Variants in LYRM1 observed in about 807,000 individuals in gnomAD.
LYRM1 encodes LYR motif containing 1, also known as LYR motif-containing protein 1.
In LYRM1, 14 loss-of-function variants were observed where a neutral mutation model predicts 14.9. That is an observed-to-expected ratio of 0.94 (90% CI 0.62 to 1.47). LYRM1 has a LOEUF of 1.47. LYRM1 is among the 40% of genes most tolerant of loss of function. LYRM1 has a pLI of 0.00. For synonymous variants in LYRM1, 43 were observed against 56.2 expected (o/e 0.77, Z 1.05); for missense variants, 153 against 149.9 (o/e 1.02, Z -0.11).
At position 20,901,015 on chromosome 16, in the gene LYRM1, A is replaced by AC. The variant is rs1374785503; in HGVS notation, c.-1+130dup. The AC allele has an allele frequency of 6.6e-6, 1 of 151,928 alleles. No individual in the cohort carries two copies. The highest frequency in any genetic ancestry group is 2.4e-5 in the African/African-American group (1 of 41,262). 9.4% of individuals were successfully genotyped at this position (151,928 alleles called of 1,614,324 possible). On this transcript the variant is annotated intron_variant, in intron 1 of 3. Coordinates refer to ENST00000567954, the MANE Select transcript of LYRM1 (RefSeq NM_001128302.3). The surrounding 1 kb of genome is among the most constrained non-coding windows in gnomAD (Gnocchi z 4.6). The stretch of plus-strand genomic sequence containing the variant: ...CGTTGCCGGGAGACGGGCCTGTGTG[A>AC]CCCCAGCTTCGCGGGGGCGGCTCGG...
chr16:20,913,098 AT>A (rs1471606429), intron 1 of LYRM1, among the ~76,000 whole-genome samples: 2 of 149,454 alleles, frequency 1.3e-5, no homozygotes, highest in Admixed American at 6.7e-5. Context: ...AATAATAATA[AT>A]TAAATAAATA....
At chr16:20,909,890 A>T (rs2082504227) in intron 1 of LYRM1, among the ~76,000 whole-genome samples, 2 of 152,196 alleles carry the variant, frequency 1.3e-5, no homozygotes, top group South Asian at 4.1e-4. Flanking sequence ...AAAGAAGATG[A>T]ATGTGATCAT....
intron 3 of LYRM1, among the ~76,000 whole-genome samples, chr16:20,921,145 A>G (rs1255858465): frequency 1.3e-5 from 2 of 152,294 alleles, no homozygotes; most frequent in Admixed American, 6.5e-5. Context: ...AGCTAGGTAC[A>G]GTGGTACAGT....
intron 3 of LYRM1, chr16:20,920,452 C>T: frequency 6.3e-6 from 3 of 478,230 alleles, no homozygotes; most frequent in Non-Finnish European, 1.1e-5. Flanking sequence ...AAAACCAGCT[C>T]ACACTGTAGA....
chr16:20,923,505 AAAAAAAAAG>A (rs1335107203), intron 3 of LYRM1, among the ~76,000 whole-genome samples: 4 of 151,090 alleles, frequency 2.6e-5, no homozygotes, highest in South Asian at 2.1e-4. Flanking sequence ...TCTCAAAAAA[AAAAAAAAAG>A]AAAGAAAGAA....
intron 1 of LYRM1, among the ~76,000 whole-genome samples, chr16:20,910,458 TC>T (rs1368720260): frequency 2.0e-5 from 3 of 152,224 alleles, no homozygotes. Context: ...TTGAAAATAG[TC>T]CTATTAAGTA....
At chr16:20,915,740 T>C (rs916461660) in intron 2 of LYRM1, 26 bp downstream of exon 2, 1 of 1,609,804 alleles carries the variant, frequency 6.2e-7, no homozygotes, top group African/African-American at 1.3e-5. Context: ...TTGGAGATTG[T>C]GCAGAGGAGA....
Position 20,915,639 on chromosome 16 carries a change from G to A in LYRM1, c.84G>A (p.Gly28=). 1 of 1,614,112 alleles carries A rather than the reference G, an allele frequency of 6.2e-7. No individual in the cohort carries two copies. The highest frequency in any genetic ancestry group is 8.5e-7 in the Non-Finnish European group (1 of 1,180,008). ...CGAGGAAATGGCAGGCGACATCAGGGCAGATGGAAGACACCATCAAAGAAA... is the reference window on the plus strand; with the variant it reads ...CGAGGAAATGGCAGGCGACATCAGGACAGATGGAAGACACCATCAAAGAAA... ...RLARKWQATS[G]QMEDTIKEKQ... The change falls in exon 2 of 4, where the codon GGG becomes GGA. Residue 28 remains glycine (G), a synonymous_variant. Coordinates refer to ENST00000567954, the MANE Select transcript of LYRM1 (RefSeq NM_001128302.3).
chr16:20,918,988 G>A (rs761819737), intron 2 of LYRM1, among the ~76,000 whole-genome samples: 2 of 152,186 alleles, frequency 1.3e-5, no homozygotes, highest in East Asian at 1.9e-4. Flanking sequence ...ACTTTGCTGC[G>A]TGGGTGTCAT....
intron 1 of LYRM1, among the ~76,000 whole-genome samples, chr16:20,914,455 A>ATTTTTTTT (rs35172104): frequency 7.6e-6 from 1 of 132,224 alleles, no homozygotes; most frequent in Non-Finnish European, 1.6e-5. Context: ...CACCTGGCTA[A>ATTTTTTTT]TTTTTTTTTT....
rs565215071 is a variant in LYRM1 at position 20,913,463 on chromosome 16, C to T, written c.1-2093C>T. On this transcript the variant is annotated intron_variant, in intron 1 of 3. Transcript: ENST00000567954. ...AATAGCTGGGATTACAGGTGGTTGC[C>T]ACCACACCTGGCTAATTTTTGTATT... Among the ~76,000 whole-genome samples the T allele has an allele frequency of 3.9e-4, 59 of 151,988 alleles. 1 individual carries two copies. In the South Asian group the frequency reaches 0.012, roughly 31 times the overall value.
At chr16:20,909,192 T>C (rs778776230) in intron 1 of LYRM1, among the ~76,000 whole-genome samples, 3 of 152,224 alleles carry the variant, frequency 2.0e-5, no homozygotes, top group Non-Finnish European at 2.9e-5. Flanking sequence ...GGCACAGGCC[T>C]GCACATCACA....
At chr16:20,913,126 C>A (rs1057053689) in intron 1 of LYRM1, among the ~76,000 whole-genome samples, 14 of 150,420 alleles carry the variant, frequency 9.3e-5, no homozygotes, top group Middle Eastern at 3.5e-3. Flanking sequence ...ACTTGCAAAG[C>A]AATACTATAA....
At chr16:20,921,540 C>G (rs755342203) in intron 3 of LYRM1, 6 of 151,616 alleles carry the variant, frequency 4.0e-5, no homozygotes, top group Non-Finnish European at 8.8e-5. Context: ...GGTGGAACTA[C>G]AGTCGTGCAC....
intron 1 of LYRM1, among the ~76,000 whole-genome samples, chr16:20,914,993 T>C (rs1409020861): frequency 6.6e-6 from 1 of 152,196 alleles, no homozygotes; most frequent in Non-Finnish European, 1.5e-5. Flanking sequence ...TGAGCTTTGG[T>C]TTTGCCGTGT....
intron 1 of LYRM1, among the ~76,000 whole-genome samples, chr16:20,914,777 C>T (rs959914672): frequency 1.3e-5 from 2 of 152,150 alleles, no homozygotes; most frequent in Admixed American, 1.3e-4. Flanking sequence ...GGGGGCATTT[C>T]CTGTCCAGGT....
At chr16:20,910,393 C>T (rs936296884) in intron 1 of LYRM1, among the ~76,000 whole-genome samples, 2 of 152,180 alleles carry the variant, frequency 1.3e-5, no homozygotes, top group African/African-American at 4.8e-5. Flanking sequence ...TGAGACATCA[C>T]ATAAATCCCT....
At chr16:20,917,466 GAGT>G (rs1226846241) in intron 2 of LYRM1, among the ~76,000 whole-genome samples, 1 of 151,694 alleles carries the variant, frequency 6.6e-6, no homozygotes, top group Non-Finnish European at 1.5e-5. Context: ...TCAATGAAAA[GAGT>G]AGGTGATTGG....
intron 2 of LYRM1, among the ~76,000 whole-genome samples, chr16:20,916,835 A>T (rs529344458): frequency 1.3e-5 from 2 of 152,364 alleles, no homozygotes; most frequent in East Asian, 3.9e-4. Context: ...ACAAGACTAG[A>T]TGTCGAAGAC....
Sources: gnomAD v4.1 joint callset for allele counts (sites outside exome capture counted in the v4.1 genomes callset) on GRCh38, gnomAD v4.1.1 for gene constraint, Gnocchi (gnomAD v3.1) non-coding constraint, MANE v1.5 for transcripts, NCBI Gene and HGNC (gene_info 2026-07-23, HGNC 2026-07-21) for gene names.